The following HSPA2 variants were observed in gnomAD, a reference collection of about 807,000 sequenced individuals.
The protein encoded by HSPA2 is heat shock-related 70 kDa protein 2.
In HSPA2, 13 loss-of-function variants were observed where a neutral mutation model predicts 35.0. The ratio of observed to expected loss-of-function variants is 0.37; its 90% CI spans 0.24 to 0.59. HSPA2 has a LOEUF of 0.59. HSPA2 is among the 20% of genes least tolerant of loss of function. The pLI, the probability that HSPA2 is intolerant of heterozygous loss-of-function variation, is 0.70. For missense variants in HSPA2, 565 were observed against 885.4 expected, an observed-to-expected ratio of 0.64 and a Z score of 4.59; for synonymous variants, 368 against 382.1, an observed-to-expected ratio of 0.96 and a Z score of 0.43.
upstream of HSPA2, among the ~76,000 whole-genome samples, chr14:64,537,703 T>A (rs1005599023): frequency 2.7e-5 from 4 of 149,230 alleles, no homozygotes; most frequent in African/African-American, 9.8e-5. Context: ...CTGGGTTTTA[T>A]CCTTGTTTTC....
At chr14:64,540,726 T>C (rs1052130756), upstream of HSPA2, 6 of 1,437,124 alleles carry the variant, frequency 4.2e-6, no homozygotes, top group East Asian at 2.4e-5. Flanking sequence ...AACCGGGAAC[T>C]GGGCGCGGGG....
rs778807231 is a variant in HSPA2, at chr14:64,541,677, C to T, written c.828C>T (p.Thr276=). ...CCGCTTGCGAGCGCGCCAAGCGCAC[C>T]CTGAGCTCGTCCACGCAGGCGAGCA... ...LRTACERAKR[T]LSSSTQASIE... Residue 276 remains threonine, a synonymous_variant, in exon 1 of 1, where the codon ACC becomes ACT. Transcript: ENST00000247207. The T allele has an allele frequency of 4.3e-6, 7 of 1,611,894 alleles. No homozygotes were observed. Among genetic ancestry groups the T allele is most frequent in the Non-Finnish European group, 4.2e-6 (5 of 1,179,742 alleles).
At chr14:64,540,717 A>G, upstream of HSPA2, 1 of 1,378,982 alleles carries the variant, frequency 7.3e-7, no homozygotes, top group Non-Finnish European at 9.7e-7. Context: ...GGCTATAAGA[A>G]CCGGGAACTG....
chr14:64,542,700 T>G lies in HSPA2; in HGVS notation c.1851T>G (p.Gly617=). 1 of 1,613,938 alleles carries G rather than the reference T, an allele frequency of 6.2e-7. No individual in the cohort carries two copies. The highest frequency in any genetic ancestry group is 8.5e-7 in the Non-Finnish European group (1 of 1,179,978). Residue 617 remains glycine (G), a synonymous_variant, in exon 1 of 1, where the codon GGT becomes GGG. Coordinates refer to ENST00000247207, the MANE Select transcript of HSPA2 (RefSeq NM_021979.4). The surrounding 1 kb of genome is among the most constrained non-coding windows in gnomAD (Gnocchi z 5.7). The part of the protein sequence containing the change: ...NPIISKLYQG[G]PGGGSGGGGS... ...TCATCAGCAAACTTTACCAAGGTGGTCCTGGCGGCGGCAGCGGCGGCGGCG... is the reference window on the plus strand; with the variant it reads ...TCATCAGCAAACTTTACCAAGGTGGGCCTGGCGGCGGCAGCGGCGGCGGCG...
rs1054448161 is a variant in HSPA2, at chr14:64,541,340, C to T, written c.491C>T (p.Thr164Ile). 1.2e-6 allele frequency: 2 copies of T among 1,612,848 alleles called. No individual in the cohort carries two copies. Among genetic ancestry groups the T allele is most frequent in the African/African-American group, 2.7e-5 (2 of 74,756 alleles). ...CGCCAGGCCACCAAGGACGCAGGCACCATCACGGGGCTCAATGTGCTGCGC... is the reference window on the plus strand; with the variant it reads ...CGCCAGGCCACCAAGGACGCAGGCATCATCACGGGGCTCAATGTGCTGCGC... Reference protein sequence around the residue: ...SQRQATKDAGTITGLNVLRII... With the variant: ...SQRQATKDAGIITGLNVLRII... The change falls in exon 1 of 1, where the codon ACC becomes ATC. Residue 164 changes from threonine (T) to isoleucine (I), a missense_variant. This residue lies in a region of HSPA2 where 183 missense variants were observed against 281.6 expected (regional missense o/e 0.65). Transcript: ENST00000247207.
chr14:64,539,589 T>A (rs1020769897), upstream of HSPA2, among the ~76,000 whole-genome samples: 1 of 152,154 alleles, frequency 6.6e-6, no homozygotes, highest in Non-Finnish European at 1.5e-5. Flanking sequence ...GCCACACCCC[T>A]GTCTGCCGTC....
chr14:64,542,623 A>G lies in HSPA2; in HGVS notation c.1774A>G (p.Lys592Glu). 1.2e-6 allele frequency: 2 copies of G among 1,613,874 alleles called. No homozygotes were observed. The highest frequency in any genetic ancestry group is 8.5e-7 in the Non-Finnish European group (1 of 1,180,014). The change falls in exon 1 of 1, where the codon AAA becomes GAA. Residue 592 changes from lysine (K) to glutamate (E), a missense_variant. Lys to Glu is a moderately conservative substitution (Grantham distance 56, BLOSUM62 1). Coordinates refer to ENST00000247207, the MANE Select transcript of HSPA2 (RefSeq NM_021979.4). The surrounding 1 kb of genome is among the most constrained non-coding windows in gnomAD (Gnocchi z 5.7). ...NWLDRNQMAE[K>E]DEYEHKQKEL... ...GCTCGACCGAAACCAGATGGCAGAG[A>G]AAGATGAGTATGAACACAAGCAGAA...
rs1393738665 is a variant in HSPA2, at chr14:64,542,248, A to C, written c.1399A>C (p.Ile467Leu). 3.1e-6 allele frequency: 5 copies of C among 1,613,892 alleles called. No homozygotes were observed. Among genetic ancestry groups the C allele is most frequent in the Non-Finnish European group, 4.2e-6 (5 of 1,180,026 alleles). ...GCTGGGCAAGTTCGACCTGACCGGG[A>C]TTCCCCCTGCGCCTCGCGGGGTCCC... Reference protein sequence around the residue: ...NLLGKFDLTGIPPAPRGVPQI... With the variant: ...NLLGKFDLTGLPPAPRGVPQI... The change falls in exon 1 of 1, where the codon ATT becomes CTT. Residue 467 changes from isoleucine (I) to leucine (L), a missense_variant. Ile to Leu is a conservative substitution (Grantham distance 5). Around this residue, in one of 4 missense-constraint regions of HSPA2, gnomAD observed 234 missense variants for 419.0 expected, o/e 0.56. Coordinates refer to ENST00000247207, the MANE Select transcript of HSPA2 (RefSeq NM_021979.4). The surrounding 1 kb of genome is among the most constrained non-coding windows in gnomAD (Gnocchi z 5.7).
Position 64,542,798 on chromosome 14 carries a change from T to G in HSPA2, c.*29T>G. On this transcript the variant is annotated 3_prime_UTR_variant, in exon 1 of 1. Coordinates refer to ENST00000247207, the MANE Select transcript of HSPA2 (RefSeq NM_021979.4). This position sits in a 1 kb window ranked among gnomAD's most constrained non-coding sequence, Gnocchi z 5.7. ...TGCACTCAAGTCAGCGTAAACCTCTTTGCCTTTCTCTCTCTCTCTTTTTTT... is the reference window on the plus strand; with the variant it reads ...TGCACTCAAGTCAGCGTAAACCTCTGTGCCTTTCTCTCTCTCTCTTTTTTT... The G allele has an allele frequency of 6.5e-7, 1 of 1,535,850 alleles. No individual in the cohort carries two copies. The highest frequency in any genetic ancestry group is 8.7e-7 in the Non-Finnish European group (1 of 1,145,862).
chr14:64,542,863 A>G lies in HSPA2; in HGVS notation c.*94A>G. The G allele has an allele frequency of 6.8e-7, 1 of 1,462,164 alleles. No homozygotes were observed. The highest frequency in any genetic ancestry group is 1.4e-5 in the African/African-American group (1 of 69,854). 90.6% of individuals were successfully genotyped at this position (1,462,164 alleles called of 1,614,324 possible). A position where few individuals can be genotyped will look rare whatever the true frequency, so the allele number is the denominator to read the frequency against. Reference sequence around the variant, plus strand: ...GAAATGTCCTTGTGCCAAGTACGAGATCTATTGTTGGAAGTCTTTGGTATA... The same window carrying G: ...GAAATGTCCTTGTGCCAAGTACGAGGTCTATTGTTGGAAGTCTTTGGTATA... On this transcript the variant is annotated 3_prime_UTR_variant, in exon 1 of 1. Transcript: ENST00000247207. The surrounding 1 kb of genome is among the most constrained non-coding windows in gnomAD (Gnocchi z 5.7).
At chr14:64,540,361 G>C (rs563071634), upstream of HSPA2, 2 of 202,876 alleles carry the variant, frequency 9.9e-6, no homozygotes, top group African/African-American at 4.7e-5. Context: ...GCCTCAGTCC[G>C]CACTGCTCAT....
chr14:64,541,106 C>T lies in HSPA2; in HGVS notation c.257C>T (p.Ser86Leu). The T allele has an allele frequency of 6.2e-7, 1 of 1,614,178 alleles. No homozygotes were observed. Among genetic ancestry groups the T allele is most frequent in the Non-Finnish European group, 8.5e-7 (1 of 1,180,030 alleles). The change falls in exon 1 of 1, where the codon TCG (serine) becomes TTG (leucine). Residue 86 changes from serine (S) to leucine (L), a missense_variant. By Grantham distance (145) the Ser-to-Leu change is moderately radical. Coordinates refer to ENST00000247207, the MANE Select transcript of HSPA2 (RefSeq NM_021979.4). ...AAATTCGAGGATGCCACAGTGCAGTCGGATATGAAACACTGGCCGTTCCGG... is the reference window on the plus strand; with the variant it reads ...AAATTCGAGGATGCCACAGTGCAGTTGGATATGAAACACTGGCCGTTCCGG... ...GRKFEDATVQ[S>L]DMKHWPFRVV...
At chr14:64,540,670 T>C, upstream of HSPA2, 2 of 912,200 alleles carry the variant, frequency 2.2e-6, no homozygotes, top group South Asian at 1.8e-5. Flanking sequence ...GTGAGGGCGG[T>C]CCCGGGAGCG....
Position 64,540,875 on chromosome 14 carries a change from G to T in HSPA2, c.26G>T (p.Gly9Val), listed in dbSNP as rs1172600894. Residue 9 changes from glycine to valine, a missense_variant, in exon 1 of 1, where the codon GGC (glycine) becomes GTC (valine). Coordinates refer to ENST00000247207, the MANE Select transcript of HSPA2 (RefSeq NM_021979.4). Reference sequence around the variant, plus strand: ...ATGTCTGCCCGTGGCCCGGCTATCGGCATCGACCTGGGCACCACCTATTCG... The same window carrying T: ...ATGTCTGCCCGTGGCCCGGCTATCGTCATCGACCTGGGCACCACCTATTCG... MSARGPAIGIDLGTTYSCV... is the reference protein window; with the variant it reads MSARGPAIVIDLGTTYSCV... 2 of 1,614,146 alleles carry T rather than the reference G, an allele frequency of 1.2e-6. No homozygotes were observed. Among genetic ancestry groups the T allele is most frequent in the Non-Finnish European group, 1.7e-6 (2 of 1,180,038 alleles).
At position 64,542,865 on chromosome 14, in the gene HSPA2, C is replaced by A; in HGVS notation, c.*96C>A. The A allele has an allele frequency of 1.4e-6, 2 of 1,459,906 alleles. No individual in the cohort carries two copies. Among genetic ancestry groups the A allele is most frequent in the Non-Finnish European group, 1.8e-6 (2 of 1,102,942 alleles). The allele number at this position is 1,459,906 out of a possible 1,614,324, so 90.4% of individuals were successfully genotyped here. ...AATGTCCTTGTGCCAAGTACGAGATCTATTGTTGGAAGTCTTTGGTATATG... is the reference window on the plus strand; with the variant it reads ...AATGTCCTTGTGCCAAGTACGAGATATATTGTTGGAAGTCTTTGGTATATG... On this transcript the variant is annotated 3_prime_UTR_variant, in exon 1 of 1. Coordinates refer to ENST00000247207, the MANE Select transcript of HSPA2 (RefSeq NM_021979.4). The surrounding 1 kb of genome is among the most constrained non-coding windows in gnomAD (Gnocchi z 5.7).
chr14:64,540,504 C>A (rs900161017), upstream of HSPA2: 3 of 285,864 alleles, frequency 1.0e-5, no homozygotes, highest in Admixed American at 4.9e-5. Flanking sequence ...CACGGCCTGG[C>A]GGCCGAGAGT....
Position 64,541,770 on chromosome 14 carries a change from G to T in HSPA2, c.921G>T (p.Glu307Asp). The stretch of plus-strand genomic sequence containing the variant: ...CCATCACGCGCGCCCGCTTCGAGGA[G>T]CTCAATGCCGACCTCTTTCGCGGGA... ...YTSITRARFEELNADLFRGTL... is the reference protein window; with the variant it reads ...YTSITRARFEDLNADLFRGTL... The change falls in exon 1 of 1, where the codon GAG (glutamate) becomes GAT (aspartate). Residue 307 changes from glutamate (E) to aspartate (D), a missense_variant. Transcript: ENST00000247207. 6.2e-7 allele frequency: 1 copy of T among 1,613,188 alleles called. No individual in the cohort carries two copies. Among genetic ancestry groups the T allele is most frequent in the Non-Finnish European group, 8.5e-7 (1 of 1,179,956 alleles).
upstream of HSPA2, among the ~76,000 whole-genome samples, chr14:64,537,324 A>C (rs1187341186): frequency 1.3e-5 from 2 of 151,922 alleles, no homozygotes; most frequent in African/African-American, 4.8e-5. Context: ...GAGAAGAAAA[A>C]CTCAGGCCTG....
At chr14:64,538,983 T>C (rs141097812), upstream of HSPA2, among the ~76,000 whole-genome samples, 105 of 152,304 alleles carry the variant, frequency 6.9e-4, 1 homozygote, top group African/African-American at 2.5e-3. Flanking sequence ...TTTTTGTATT[T>C]TTAGTAGAGA....
Sources: allele counts gnomAD v4.1 joint callset (sites outside exome capture counted in the v4.1 genomes callset), GRCh38; gene constraint gnomAD v4.1.1; regional missense constraint gnomAD v4.1.1; non-coding constraint Gnocchi (gnomAD v3.1); transcripts MANE v1.5; gene names NCBI Gene and HGNC (gene_info 2026-07-23, HGNC 2026-07-21).